The following SIL1 variants were observed in gnomAD, a reference collection of about 807,000 sequenced individuals.
SIL1 encodes the protein SIL1 nucleotide exchange factor, also known as nucleotide exchange factor SIL1.
Under a neutral mutation model 49.1 loss-of-function variants are expected in SIL1, and 40 were observed. The observed-to-expected ratio is 0.81, with a 90% CI of 0.63 to 1.06. SIL1 has a LOEUF of 1.06. Among genes scored for constraint, SIL1 ranks in the 50% least tolerant of loss-of-function variants. The pLI, the probability that SIL1 is intolerant of heterozygous loss-of-function variation, is 0.00. For missense variants in SIL1, 500 were observed against 572.6 expected (o/e 0.87, Z 1.29); for synonymous variants, 253 against 250.8 (o/e 1.01, Z -0.08).
chr5:138,983,418 G>A (rs1409765508), intron 7 of SIL1, among the ~76,000 whole-genome samples: 2 of 151,452 alleles, frequency 1.3e-5, no homozygotes, highest in Admixed American at 1.3e-4. Flanking sequence ...TGAGGCAGGA[G>A]AATGGCGTGA....
chr5:138,966,682 C>T (rs1767151218), intron 7 of SIL1, among the ~76,000 whole-genome samples: 1 of 152,164 alleles, frequency 6.6e-6, no homozygotes, highest in African/African-American at 2.4e-5. Flanking sequence ...CTGGAGGCCA[C>T]CATTTAATAG....
At chr5:139,056,319 T>G (rs1157296947) in intron 3 of SIL1, among the ~76,000 whole-genome samples, 3 of 136,406 alleles carry the variant, frequency 2.2e-5, no homozygotes, top group African/African-American at 8.4e-5. Flanking sequence ...GCCTCTGCCC[T>G]GCCGCCCCGT....
At chr5:139,126,436 C>T (rs763797949) in intron 2 of SIL1, among the ~76,000 whole-genome samples, 3 of 152,178 alleles carry the variant, frequency 2.0e-5, no homozygotes, top group South Asian at 2.1e-4. Context: ...CTAAAGCTCA[C>T]GATGGGGAGC....
chr5:138,955,002 C>G (rs1013692666), intron 7 of SIL1, among the ~76,000 whole-genome samples: 1 of 152,226 alleles, frequency 6.6e-6, no homozygotes, highest in Non-Finnish European at 1.5e-5. Flanking sequence ...GAGAGCACAG[C>G]TTTATTTGGC....
chr5:139,121,458 A>G (rs1444474589), intron 2 of SIL1, among the ~76,000 whole-genome samples: 3 of 152,222 alleles, frequency 2.0e-5, no homozygotes, highest in African/African-American at 7.2e-5. Context: ...AGGTTAAGGG[A>G]ACACATTAGG....
intron 4 of SIL1, among the ~76,000 whole-genome samples, chr5:139,045,199 A>C (rs1769129507): frequency 6.6e-6 from 1 of 151,976 alleles, no homozygotes; most frequent in African/African-American, 2.4e-5. Context: ...TCTACAAAAA[A>C]ATTGAAAATT....
chr5:139,070,790 T>C (rs1165857310), intron 3 of SIL1, among the ~76,000 whole-genome samples: 1 of 152,212 alleles, frequency 6.6e-6, no homozygotes, highest in African/African-American at 2.4e-5. Flanking sequence ...CAACTCATTA[T>C]CTTGAAAACT....
intron 7 of SIL1, among the ~76,000 whole-genome samples, chr5:139,009,008 G>A (rs1382244202): frequency 6.6e-6 from 1 of 150,812 alleles, no homozygotes; most frequent in Non-Finnish European, 1.5e-5. Flanking sequence ...TTCAATTCCT[G>A]GGTATCCTTG....
intron 3 of SIL1, among the ~76,000 whole-genome samples, chr5:139,059,659 A>T (rs1358523076): frequency 6.6e-6 from 1 of 152,216 alleles, no homozygotes; most frequent in Admixed American, 6.5e-5. Flanking sequence ...CAATATATAT[A>T]CATACAGACA....
In SIL1 at chr5:139,102,484, C is replaced by CA. The variant is rs57739735; in HGVS notation, c.244+18550dup. On this transcript the variant is annotated intron_variant, in intron 3 of 9. Coordinates refer to ENST00000394817, the MANE Select transcript of SIL1 (RefSeq NM_022464.5). Reference sequence around the variant, plus strand: ...GAAAACATATTACTTTGTCAGCAGGCAAAAAAAAAAAAAAAAAGAGAGAGA... The same window carrying CA: ...GAAAACATATTACTTTGTCAGCAGGCAAAAAAAAAAAAAAAAAAGAGAGAGA... 3.5e-3 allele frequency among the ~76,000 whole-genome samples: 410 copies of CA among 115,582 alleles called. 2 individuals are homozygous for CA. Among genetic ancestry groups the CA allele is most frequent in the East Asian group, 0.02 (56 of 2,870 alleles). The allele number at this position is 115,582 out of a possible 152,430, so 75.8% of individuals were successfully genotyped here.
At chr5:139,069,516 C>G (rs997013918) in intron 3 of SIL1, among the ~76,000 whole-genome samples, 1 of 151,970 alleles carries the variant, frequency 6.6e-6, no homozygotes, top group South Asian at 2.1e-4. Flanking sequence ...CCTAAACAAG[C>G]AAACAGAATA....
intron 1 of SIL1, among the ~76,000 whole-genome samples, chr5:139,173,876 G>A (rs1449196909): frequency 3.3e-5 from 5 of 149,662 alleles, no homozygotes; most frequent in South Asian, 2.1e-4. Flanking sequence ...GGAGAATGAC[G>A]TGAACCCAGG....
intron 3 of SIL1, among the ~76,000 whole-genome samples, chr5:139,097,010 A>C (rs1352138443): frequency 1.1e-4 from 17 of 152,072 alleles, no homozygotes; most frequent in Admixed American, 1.0e-3. Flanking sequence ...AAGCTGACTT[A>C]AGAGCCCTTG....
rs56678246 is a variant in SIL1, at chr5:139,130,446, A to G, written c.-10-2593T>C. 5.5e-3 allele frequency among the ~76,000 whole-genome samples: 838 copies of G among 152,334 alleles called. 3 individuals are homozygous for G. The highest frequency in any genetic ancestry group is 0.019 in the African/African-American group (803 of 41,582). Reference sequence around the variant, plus strand: ...AATGATACACCACTTCACACCCACAATGATGGCTGTAATTTTTTTTTTAAG... The same window carrying G: ...AATGATACACCACTTCACACCCACAGTGATGGCTGTAATTTTTTTTTTAAG... On this transcript the variant is annotated intron_variant, in intron 1 of 9. Transcript: ENST00000394817.
At chr5:138,958,071 T>C (rs1766940366) in intron 7 of SIL1, among the ~76,000 whole-genome samples, 1 of 152,180 alleles carries the variant, frequency 6.6e-6, no homozygotes, top group African/African-American at 2.4e-5. Context: ...CTCAATAATA[T>C]TGTTTTTAGA....
intron 7 of SIL1, among the ~76,000 whole-genome samples, chr5:139,010,615 T>C (rs1204561982): frequency 6.7e-6 from 1 of 149,708 alleles, no homozygotes; most frequent in Non-Finnish European, 1.5e-5. Flanking sequence ...TGGTCTTTGA[T>C]GATGGTGATG....
At chr5:139,114,213 G>GC (rs1770936797) in intron 3 of SIL1, among the ~76,000 whole-genome samples, 1 of 152,210 alleles carries the variant, frequency 6.6e-6, no homozygotes, top group Non-Finnish European at 1.5e-5. Context: ...GGCAGTGGCT[G>GC]CCATGGAGGT....
intron 5 of SIL1, among the ~76,000 whole-genome samples, chr5:139,030,537 C>T (rs572107267): frequency 1.4e-5 from 2 of 145,346 alleles, no homozygotes; most frequent in East Asian, 2.1e-4. Flanking sequence ...CCCAGCTACC[C>T]GGGAGGCTGA....
chr5:139,023,591 T>C (rs1456351041), intron 6 of SIL1, among the ~76,000 whole-genome samples: 1 of 152,214 alleles, frequency 6.6e-6, no homozygotes, highest in Non-Finnish European at 1.5e-5. Context: ...TTTTCACATA[T>C]CCTGTTTAAT....
Sources: allele counts gnomAD v4.1 joint callset (sites outside exome capture counted in the v4.1 genomes callset), GRCh38; gene constraint gnomAD v4.1.1; transcripts MANE v1.5; gene names NCBI Gene and HGNC (gene_info 2026-07-23, HGNC 2026-07-21).